DCAF1: variants seen among roughly 807,000 people sequenced by gnomAD.
The protein encoded by DCAF1 is DDB1- and CUL4-associated factor 1.
Under a neutral mutation model 128.0 loss-of-function variants are expected in DCAF1, and 15 were observed. That is an observed-to-expected ratio of 0.12 (90% confidence interval 0.08 to 0.18). The LOEUF (loss-of-function observed/expected upper bound fraction) is 0.18, where lower values mean the gene tolerates loss of function less well. Among genes scored for constraint, DCAF1 ranks in the 10% least tolerant of loss-of-function variants. The pLI is 1.00. For missense variants in DCAF1, 988 were observed against 1,649.5 expected, an observed-to-expected ratio of 0.60 and a Z score of 6.95; for synonymous variants, 610 against 603.0, an observed-to-expected ratio of 1.01 and a Z score of -0.17.
intron 6 of DCAF1, among the ~76,000 whole-genome samples, chr3:51,460,231 AC>A: frequency 6.6e-6 from 1 of 152,298 alleles, no homozygotes; most frequent in African/African-American, 2.4e-5. Context: ...AAATCAATGT[AC>A]AAAAATCACA....
rs1698529579 is a variant in DCAF1, at chr3:51,412,591, C to G, written c.4111-111G>C. The stretch of plus-strand genomic sequence containing the variant: ...CTTGACCCTGTAATTATTAAAGCTT[C>G]TGATACCCGAAATTCTTGAGCTGAC... On this transcript the variant is annotated intron_variant, in intron 22 of 24. Coordinates refer to ENST00000684031, the MANE Select transcript of DCAF1 (RefSeq NM_001387579.1). 8 of 1,509,728 alleles carry G rather than the reference C, an allele frequency of 5.3e-6. No individual in the cohort carries two copies. The Admixed American group carries it at 1.7e-4, about 32-fold the overall frequency. 93.5% of individuals were successfully genotyped at this position (1,509,728 alleles called of 1,614,324 possible). A position where few individuals can be genotyped will look rare whatever the true frequency, so the allele number is the denominator to read the frequency against.
At chr3:51,428,331 CTTTTTTTTTT>C (rs35486639) in intron 12 of DCAF1, among the ~76,000 whole-genome samples, 1 of 110,512 alleles carries the variant, frequency 9.0e-6, no homozygotes, top group Non-Finnish European at 1.7e-5. Flanking sequence ...CCACCATGCC[CTTTTTTTTTT>C]TTTTTTTTTT....
At chr3:51,433,811 TGGCTCACGCC>T (rs1198175070) in intron 9 of DCAF1, among the ~76,000 whole-genome samples, 3 of 147,770 alleles carry the variant, frequency 2.0e-5, no homozygotes, top group African/African-American at 7.4e-5. Context: ...CTGGGTGCAG[TGGCTCACGCC>T]TGTAATCCCA....
chr3:51,409,505 G>C (rs1553627749), intron 23 of DCAF1, among the ~76,000 whole-genome samples: 1 of 152,146 alleles, frequency 6.6e-6, no homozygotes, highest in Non-Finnish European at 1.5e-5. Context: ...ATATGGGAGG[G>C]CTGGGATAAT....
Position 51,420,549 on chromosome 3 carries a change from C to T in DCAF1, c.2421G>A (p.Lys807=), listed in dbSNP as rs1699303620. ...DKRSDHVKFC[K]YAAELIERVS... ...CCCGTTCAATGAGTTCAGCAGCATA[C>T]TTGCAGAACTTGACATGGTCACTGC... is the stretch of plus-strand genomic sequence containing the variant. The change falls in exon 15 of 25, where the codon AAG becomes AAA. Residue 807 remains lysine, a synonymous_variant. Transcript: ENST00000684031. This position sits in a 1 kb window ranked among gnomAD's most constrained non-coding sequence, Gnocchi z 6.5. The T allele has an allele frequency of 1.2e-6, 2 of 1,613,952 alleles. No individual in the cohort carries two copies.
intron 6 of DCAF1, among the ~76,000 whole-genome samples, chr3:51,452,265 TAA>T (rs1553641678): frequency 1.3e-5 from 2 of 152,142 alleles, no homozygotes; most frequent in African/African-American, 4.8e-5. Context: ...CCAGGCTGAA[TAA>T]GTCTTAATTA....
intron 2 of DCAF1, among the ~76,000 whole-genome samples, chr3:51,495,890 A>T (rs941382649): frequency 2.0e-5 from 3 of 151,874 alleles, no homozygotes; most frequent in African/African-American, 7.3e-5. Flanking sequence ...CTACCTGGGG[A>T]GGCTGAAGCA....
intron 23 of DCAF1, among the ~76,000 whole-genome samples, chr3:51,404,595 C>T (rs1288126095): frequency 2.6e-5 from 4 of 152,160 alleles, no homozygotes; most frequent in Non-Finnish European, 4.4e-5. Context: ...TTTGGAACCA[C>T]CATTAGTGAC....
chr3:51,488,491 C>T (rs932460057), intron 2 of DCAF1, among the ~76,000 whole-genome samples: 1 of 152,090 alleles, frequency 6.6e-6, no homozygotes, highest in Non-Finnish European at 1.5e-5. Flanking sequence ...GCCTGGCCAA[C>T]ATGGTGAAAC....
At chr3:51,430,962 G>A (rs1306709730) in intron 10 of DCAF1, among the ~76,000 whole-genome samples, 2 of 152,220 alleles carry the variant, frequency 1.3e-5, no homozygotes, top group Non-Finnish European at 2.9e-5. Flanking sequence ...GGAGCCCATC[G>A]CTTTTCAAAT....
At chr3:51,476,838 G>A (rs1705519725) in intron 3 of DCAF1, among the ~76,000 whole-genome samples, 1 of 152,000 alleles carries the variant, frequency 6.6e-6, no homozygotes, top group South Asian at 2.1e-4. Flanking sequence ...TCGCACCACT[G>A]CACTCCAGCC....
intron 13 of DCAF1, among the ~76,000 whole-genome samples, chr3:51,426,749 G>C (rs1052392345): frequency 7.2e-5 from 11 of 152,118 alleles, no homozygotes; most frequent in African/African-American, 2.4e-4. Context: ...TTATGGCAGT[G>C]AGTGAATAGG....
upstream of DCAF1, among the ~76,000 whole-genome samples, chr3:51,504,164 G>A (rs1367188660): frequency 6.6e-6 from 1 of 151,502 alleles, no homozygotes; most frequent in Non-Finnish European, 1.5e-5. Context: ...AGCATCCTGA[G>A]TAGCTGGGAC....
At chr3:51,455,603 C>T (rs782058548) in intron 6 of DCAF1, among the ~76,000 whole-genome samples, 1 of 151,166 alleles carries the variant, frequency 6.6e-6, no homozygotes, top group Non-Finnish European at 1.5e-5. Flanking sequence ...AGTAAGACCC[C>T]ATCTCAAAAA....
At chr3:51,431,391 G>T (rs939997055) in intron 10 of DCAF1, among the ~76,000 whole-genome samples, 1 of 150,628 alleles carries the variant, frequency 6.6e-6, no homozygotes, top group Non-Finnish European at 1.5e-5. Context: ...ATGGTGGCAC[G>T]TGCCTGTGAT....
At chr3:51,460,963 AG>A (rs2108020656) in intron 6 of DCAF1, among the ~76,000 whole-genome samples, 1 of 152,300 alleles carries the variant, frequency 6.6e-6, no homozygotes, top group African/African-American at 2.4e-5. Context: ...AAACCCTAGA[AG>A]AAAACCTAGG....
intron 2 of DCAF1, among the ~76,000 whole-genome samples, chr3:51,492,039 C>A (rs1366917804): frequency 6.6e-6 from 1 of 151,500 alleles, no homozygotes; most frequent in African/African-American, 2.4e-5. Context: ...ACTGGTAGTC[C>A]CAGCTACTCG....
Position 51,441,694 on chromosome 3 carries a change from G to T in DCAF1, c.717C>A (p.Ile239=). The T allele has an allele frequency of 6.2e-7, 1 of 1,613,974 alleles. No individual in the cohort carries two copies. The highest frequency in any genetic ancestry group is 8.5e-7 in the Non-Finnish European group (1 of 1,179,896). Residue 239 remains isoleucine (I), a synonymous_variant, in exon 8 of 25, where the codon ATC becomes ATA. Coordinates refer to ENST00000684031, the MANE Select transcript of DCAF1 (RefSeq NM_001387579.1). ...DQEEASGDME[I]SFHLDSGHKT... ...TGTGGCCTGAATCAAGATGAAAGGA[G>T]ATCTCCATGTCTCCAGAAGCTTCCT... is the stretch of plus-strand genomic sequence containing the variant.
At chr3:51,409,503 G>C (rs1411361411) in intron 23 of DCAF1, among the ~76,000 whole-genome samples, 1 of 152,176 alleles carries the variant, frequency 6.6e-6, no homozygotes, top group South Asian at 2.1e-4. Context: ...GGATATGGGA[G>C]GGCTGGGATA....
Sources: gnomAD v4.1 joint callset for allele counts (sites outside exome capture counted in the v4.1 genomes callset) on GRCh38, gnomAD v4.1.1 for gene constraint, Gnocchi (gnomAD v3.1) non-coding constraint, MANE v1.5 for transcripts, NCBI Gene and HGNC (gene_info 2026-07-23, HGNC 2026-07-21) for gene names.